Variants in SVOPL observed in about 807,000 individuals in gnomAD.
SVOPL encodes putative transporter SVOPL.
In SVOPL, 60 loss-of-function variants were observed where a neutral mutation model predicts 61.0. The ratio of observed to expected loss-of-function variants is 0.98; its 90% CI spans 0.80 to 1.22. The LOEUF (loss-of-function observed/expected upper bound fraction) is 1.22. Ranked by LOEUF, SVOPL falls within the 50% of genes most tolerant of loss-of-function variation. The pLI, the probability that SVOPL is intolerant of heterozygous loss-of-function variation, is 0.00. For missense variants in SVOPL, 662 were observed against 643.9 expected (o/e 1.03, Z -0.30); for synonymous variants, 279 against 250.0 (o/e 1.12, Z -1.09).
At position 138,643,219 on chromosome 7, in the gene SVOPL, A is replaced by G. The variant is rs374748378; in HGVS notation, c.789+1498T>C. On this transcript the variant is annotated intron_variant, in intron 9 of 15. Coordinates refer to ENST00000674285, the MANE Select transcript of SVOPL (RefSeq NM_001139456.2). ...AGGAGGGCGGATCACGAGGTCAGGA[A>G]ATCGAGACCATCCTGGTCAACATGG... Among the ~76,000 whole-genome samples, 21 of 151,782 alleles carry G rather than the reference A, an allele frequency of 1.4e-4. 1 individual carries two copies. The East Asian group carries it at 3.1e-3, about 23-fold the overall frequency.
chr7:138,644,549 A>G (rs1210642417), intron 9 of SVOPL, among the ~76,000 whole-genome samples, 168 bp downstream of exon 9: 1 of 152,236 alleles, frequency 6.6e-6, no homozygotes, highest in East Asian at 1.9e-4. Context: ...CTAGGCTCCC[A>G]TGGCTCACAG....
intron 14 of SVOPL, chr7:138,597,295 C>G (rs1446656680): frequency 1.7e-6 from 2 of 1,179,920 alleles, no homozygotes; most frequent in South Asian, 2.7e-5. Flanking sequence ...GACCTAGAAA[C>G]TATCTGGCTG....
chr7:138,613,524 C>G (rs1799149483), intron 14 of SVOPL, among the ~76,000 whole-genome samples: 1 of 151,966 alleles, frequency 6.6e-6, no homozygotes, highest in African/African-American at 2.4e-5. Context: ...ACCTCGAGGC[C>G]CTCAAACCAG....
intron 5 of SVOPL, 74 bp from the exon 6 acceptor site, chr7:138,660,062 C>A (rs1037955017): frequency 2.0e-6 from 3 of 1,526,204 alleles, no homozygotes; most frequent in Non-Finnish European, 1.8e-6. Flanking sequence ...CTTCTGAAGG[C>A]GATTTTCGGT....
At chr7:138,684,147 C>A (rs1802755965) in intron 1 of SVOPL, among the ~76,000 whole-genome samples, 1 of 145,048 alleles carries the variant, frequency 6.9e-6, no homozygotes, top group African/African-American at 2.6e-5. Context: ...GGCAGATCAC[C>A]CGAGGTCAGG....
intron 1 of SVOPL, among the ~76,000 whole-genome samples, chr7:138,698,560 G>A (rs966296022): frequency 5.9e-5 from 9 of 152,228 alleles, no homozygotes; most frequent in African/African-American, 1.4e-4. Context: ...GAGATCTCCC[G>A]CAGCCTCGGA....
intron 9 of SVOPL, among the ~76,000 whole-genome samples, chr7:138,635,619 G>A (rs537344954): frequency 1.3e-5 from 2 of 152,194 alleles, no homozygotes; most frequent in East Asian, 3.9e-4. Context: ...GAGAGAGAAA[G>A]GTAAGGAGCT....
chr7:138,616,304 C>CACT (rs1218597232), intron 14 of SVOPL, among the ~76,000 whole-genome samples: 1 of 151,974 alleles, frequency 6.6e-6, no homozygotes, highest in Non-Finnish European at 1.5e-5. Context: ...AGAGGCCTTG[C>CACT]ACTGGTCCCT....
chr7:138,673,602 A>C (rs542248560), intron 3 of SVOPL, among the ~76,000 whole-genome samples: 1 of 152,098 alleles, frequency 6.6e-6, no homozygotes, highest in African/African-American at 2.4e-5. Flanking sequence ...CTGAGATCAC[A>C]CCACTGCACT....
chr7:138,685,210 G>A (rs904801133), intron 1 of SVOPL, among the ~76,000 whole-genome samples: 43 of 152,206 alleles, frequency 2.8e-4, no homozygotes, highest in African/African-American at 9.9e-4. Context: ...GGGATTACAG[G>A]TGTGAGTCAC....
chr7:138,654,732 C>T (rs552631848), intron 7 of SVOPL, among the ~76,000 whole-genome samples: 94 of 151,952 alleles, frequency 6.2e-4, no homozygotes, highest in Admixed American at 1.8e-3. Flanking sequence ...CAAGATGGCT[C>T]ACACCTGTCA....
At chr7:138,605,990 TTA>T (rs147940881) in intron 14 of SVOPL, among the ~76,000 whole-genome samples, 40,368 of 143,410 alleles carry the variant, frequency 0.28, 5,582 homozygotes, top group Admixed American at 0.37. Flanking sequence ...AAATTTTTTT[TTA>T]AATTGTTTTT....
chr7:138,671,844 G>T (rs4584075), intron 4 of SVOPL, among the ~76,000 whole-genome samples, 175 bp downstream of exon 4: 152,350 of 152,354 alleles, frequency 1, 76,173 homozygotes, highest in Non-Finnish European at 1. Context: ...TTCAACATTA[G>T]GCATGCTAGG....
At chr7:138,652,474 C>A (rs529016351) in intron 7 of SVOPL, among the ~76,000 whole-genome samples, 1 of 152,230 alleles carries the variant, frequency 6.6e-6, no homozygotes, top group East Asian at 1.9e-4. Context: ...GCATAAGCTG[C>A]CACACCCAGC....
At chr7:138,655,109 G>T (rs1366565478) in intron 7 of SVOPL, among the ~76,000 whole-genome samples, 1 of 152,016 alleles carries the variant, frequency 6.6e-6, no homozygotes, top group Non-Finnish European at 1.5e-5. Flanking sequence ...AGGATCACTT[G>T]AGCCTGGGAG....
intron 13 of SVOPL, among the ~76,000 whole-genome samples, chr7:138,622,070 GTATCTATCTATCTATCTATGTATC>G (rs1799635522): frequency 4.5e-5 from 1 of 22,108 alleles, no homozygotes; most frequent in South Asian, 3.1e-3. Context: ...ATCTATCTAT[GTATCTATCTATCTATCTATGTATC>G]TATCTATCTA....
chr7:138,599,798 G>A (rs1450577906), intron 14 of SVOPL, among the ~76,000 whole-genome samples: 1 of 149,864 alleles, frequency 6.7e-6, no homozygotes, highest in Non-Finnish European at 1.5e-5. Flanking sequence ...TGAGACAGGA[G>A]AATTGCTTGA....
intron 1 of SVOPL, among the ~76,000 whole-genome samples, chr7:138,692,270 A>T (rs1040724709): frequency 6.6e-6 from 1 of 152,218 alleles, no homozygotes; most frequent in Non-Finnish European, 1.5e-5. Flanking sequence ...GCATGTGTGT[A>T]TGCATGTGTG....
intron 14 of SVOPL, among the ~76,000 whole-genome samples, chr7:138,614,166 A>G (rs1799179528): frequency 6.6e-6 from 1 of 152,212 alleles, no homozygotes; most frequent in South Asian, 2.1e-4. Context: ...GAAGTCCTCT[A>G]AAACTTGTAG....
Sources: gnomAD v4.1 joint callset for allele counts (sites outside exome capture counted in the v4.1 genomes callset) on GRCh38, gnomAD v4.1.1 for gene constraint, MANE v1.5 for transcripts, NCBI Gene and HGNC (gene_info 2026-07-23, HGNC 2026-07-21) for gene names.